Variants in ELAPOR1 observed in about 807,000 individuals in gnomAD.
ELAPOR1 encodes endosome/lysosome-associated apoptosis and autophagy regulator 1.
Under a neutral mutation model 119.7 loss-of-function variants are expected in ELAPOR1, and 77 were observed. The observed-to-expected ratio is 0.64, with a 90% CI of 0.54 to 0.78. ELAPOR1 has a LOEUF of 0.78. ELAPOR1 is among the 30% of genes least tolerant of loss of function. The pLI, the probability that ELAPOR1 is intolerant of heterozygous loss-of-function variation, is 0.00. For missense variants in ELAPOR1, 1,115 were observed against 1,270.4 expected (o/e 0.88, Z 1.86); for synonymous variants, 481 against 487.2 (o/e 0.99, Z 0.17).
chr1:109,165,649 A>C (rs1268325728), intron 3 of ELAPOR1, among the ~76,000 whole-genome samples: 2 of 151,838 alleles, frequency 1.3e-5, no homozygotes, highest in Non-Finnish European at 2.9e-5. Context: ...TCCACCACGG[A>C]ATTTCAGATC....
intron 1 of ELAPOR1, among the ~76,000 whole-genome samples, chr1:109,133,695 A>G (rs1282533214): frequency 6.6e-6 from 1 of 152,162 alleles, no homozygotes; most frequent in Non-Finnish European, 1.5e-5. Flanking sequence ...TCAAATTGGA[A>G]TAGCAGGGGA....
rs773291850 is a variant in ELAPOR1 at position 109,192,684 on chromosome 1, C to T, written c.1757C>T (p.Ser586Phe). 5 of 1,614,130 alleles carry T rather than the reference C, an allele frequency of 3.1e-6. No individual in the cohort carries two copies. The highest frequency in any genetic ancestry group is 3.4e-6 in the Non-Finnish European group (4 of 1,179,998). ...NVTNVMNGVA[S>F]YCRPCALEAS... ...ACCAATGTTATGAATGGTGTGGCCT[C>T]CTACTGCCGTCCCTGTGCCCTAGAA... The change falls in exon 14 of 22, where the codon TCC becomes TTC. Residue 586 changes from serine (S) to phenylalanine (F), a missense_variant. Transcript: ENST00000369939.
At chr1:109,186,399 T>G (rs1653047333) in intron 8 of ELAPOR1, 1 of 663,752 alleles carries the variant, frequency 1.5e-6, no homozygotes, top group Non-Finnish European at 1.9e-6. Context: ...GCACTAAGCA[T>G]GATGCTTGGC....
At position 109,206,708 on chromosome 1, in the gene ELAPOR1, C is replaced by G. The variant is rs1030804052; in HGVS notation, c.*3696C>G. The G allele has an allele frequency of 6.7e-6, 1 of 150,002 alleles. No individual in the cohort carries two copies. Among genetic ancestry groups the G allele is most frequent in the Admixed American group, 6.6e-5 (1 of 15,094 alleles). 9.3% of individuals were successfully genotyped at this position (150,002 alleles called of 1,614,324 possible). A position where few individuals can be genotyped will look rare whatever the true frequency, so the allele number is the denominator to read the frequency against. ...TTTCCTTTTTACCCTGTAATCCAAGCGTTAATAGTTTGTTAGAAGATGGGT... is the reference window on the plus strand; with the variant it reads ...TTTCCTTTTTACCCTGTAATCCAAGGGTTAATAGTTTGTTAGAAGATGGGT... On this transcript the variant is annotated 3_prime_UTR_variant, in exon 22 of 22. Transcript: ENST00000369939.
chr1:109,150,843 A>C (rs1414229231), intron 1 of ELAPOR1, among the ~76,000 whole-genome samples: 1 of 152,222 alleles, frequency 6.6e-6, no homozygotes, highest in African/African-American at 2.4e-5. Context: ...CCCTGTTAAA[A>C]AGTAAACAGC....
At chr1:109,149,594 A>G (rs921512477) in intron 1 of ELAPOR1, among the ~76,000 whole-genome samples, 3 of 152,204 alleles carry the variant, frequency 2.0e-5, no homozygotes, top group African/African-American at 7.2e-5. Context: ...CCATTCAGTC[A>G]TTCAACAAAT....
chr1:109,193,782 C>T (rs116383690), intron 14 of ELAPOR1, among the ~76,000 whole-genome samples: 2,959 of 152,334 alleles, frequency 0.019, 108 homozygotes, highest in African/African-American at 0.066. Context: ...ATTCTACAGA[C>T]TCCTGGCAAC....
At chr1:109,152,747 C>A (rs1245544504) in intron 1 of ELAPOR1, among the ~76,000 whole-genome samples, 2 of 151,808 alleles carry the variant, frequency 1.3e-5, no homozygotes, top group African/African-American at 4.8e-5. Context: ...AGTTCAAGAC[C>A]AGCCTGGGCA....
intron 1 of ELAPOR1, among the ~76,000 whole-genome samples, chr1:109,152,667 G>A (rs931742103): frequency 4.6e-5 from 7 of 152,020 alleles, no homozygotes; most frequent in Admixed American, 1.3e-4. Flanking sequence ...CCATGAGGCC[G>A]GCATGGTGGT....
At chr1:109,150,172 C>T (rs1650440377) in intron 1 of ELAPOR1, among the ~76,000 whole-genome samples, 1 of 152,296 alleles carries the variant, frequency 6.6e-6, no homozygotes, top group East Asian at 1.9e-4. Context: ...ACAAACTACC[C>T]CAGGTCCGTG....
At chr1:109,140,459 G>A (rs1368734526) in intron 1 of ELAPOR1, among the ~76,000 whole-genome samples, 1 of 152,192 alleles carries the variant, frequency 6.6e-6, no homozygotes, top group Non-Finnish European at 1.5e-5. Flanking sequence ...CAGCTGTGGG[G>A]CAGCCATACA....
In ELAPOR1 at chr1:109,200,978, T is replaced by C; in HGVS notation, c.2973+78T>C. The C allele has an allele frequency of 2.1e-6, 3 of 1,399,104 alleles. No homozygotes were observed. In the East Asian group the frequency reaches 6.9e-5, roughly 32 times the overall value. 86.7% of individuals were successfully genotyped at this position (1,399,104 alleles called of 1,614,324 possible). On this transcript the variant is annotated intron_variant, in intron 21 of 21. Coordinates refer to ENST00000369939, the MANE Select transcript of ELAPOR1 (RefSeq NM_020775.5). ...CTGCTCCTCAGACACTGAATGGTCCTGTACCGTTCAGGGATGGGCACCCTG... is the reference window on the plus strand; with the variant it reads ...CTGCTCCTCAGACACTGAATGGTCCCGTACCGTTCAGGGATGGGCACCCTG...
chr1:109,172,206 G>C (rs1053953662), intron 4 of ELAPOR1, among the ~76,000 whole-genome samples, 193 bp downstream of exon 4: 1 of 152,118 alleles, frequency 6.6e-6, no homozygotes, highest in Admixed American at 6.5e-5. Flanking sequence ...GGACTATTGG[G>C]GGAAGAATTG....
At chr1:109,125,911 C>T (rs923348416) in intron 1 of ELAPOR1, among the ~76,000 whole-genome samples, 2 of 152,146 alleles carry the variant, frequency 1.3e-5, no homozygotes, top group African/African-American at 4.8e-5. Flanking sequence ...TCTTCCAAAT[C>T]CCTTCTCAGC....
intron 14 of ELAPOR1, among the ~76,000 whole-genome samples, chr1:109,193,599 T>C (rs762314539): frequency 4.6e-5 from 7 of 152,254 alleles, no homozygotes; most frequent in Non-Finnish European, 8.8e-5. Flanking sequence ...GTTGCCCCCA[T>C]GTACTTTCTG....
Position 109,203,902 on chromosome 1 carries a change from A to C in ELAPOR1, c.*890A>C, listed in dbSNP as rs1221418494. 2 of 142,752 alleles carry C rather than the reference A, an allele frequency of 1.4e-5. No homozygotes were observed. The highest frequency in any genetic ancestry group is 2.6e-5 in the African/African-American group (1 of 38,696). The allele number at this position is 142,752 out of a possible 1,614,324, so 8.8% of individuals were successfully genotyped here. ...CTCAAAAAAAAAAAAAAAAAAAAAGAAAAGCACAAAGAGAGGCAACAAGGA... is the reference window on the plus strand; with the variant it reads ...CTCAAAAAAAAAAAAAAAAAAAAAGCAAAGCACAAAGAGAGGCAACAAGGA... On this transcript the variant is annotated 3_prime_UTR_variant, in exon 22 of 22. Coordinates refer to ENST00000369939, the MANE Select transcript of ELAPOR1 (RefSeq NM_020775.5).
chr1:109,157,982 G>C (rs896193924), intron 1 of ELAPOR1, among the ~76,000 whole-genome samples: 1 of 152,116 alleles, frequency 6.6e-6, no homozygotes, highest in African/African-American at 2.4e-5. Flanking sequence ...CAACCTCCCA[G>C]GCTCAGGTCA....
At chr1:109,125,537 C>T (rs991363847) in intron 1 of ELAPOR1, among the ~76,000 whole-genome samples, 8 of 152,040 alleles carry the variant, frequency 5.3e-5, no homozygotes, top group African/African-American at 9.7e-5. Flanking sequence ...GGACTACAGG[C>T]GTGCACCACC....
At chr1:109,127,075 CT>C (rs1156536877) in intron 1 of ELAPOR1, among the ~76,000 whole-genome samples, 19 of 152,078 alleles carry the variant, frequency 1.2e-4, no homozygotes, top group Non-Finnish European at 1.0e-4. Context: ...ACATTTCTTT[CT>C]TAAGCTCTCC....
Sources: gnomAD v4.1 joint callset for allele counts (sites outside exome capture counted in the v4.1 genomes callset) on GRCh38, gnomAD v4.1.1 for gene constraint, MANE v1.5 for transcripts, NCBI Gene and HGNC (gene_info 2026-07-23, HGNC 2026-07-21) for gene names.